Variants in GPR153 observed in about 807,000 individuals in gnomAD.
GPR153 encodes the protein G protein-coupled receptor 153.
In GPR153, 27 loss-of-function variants were observed where a neutral mutation model predicts 34.1. The ratio of observed to expected loss-of-function variants is 0.79; its 90% CI spans 0.58 to 1.09. The LOEUF (loss-of-function observed/expected upper bound fraction) is 1.09. Among genes scored for constraint, GPR153 ranks in the 50% least tolerant of loss-of-function variants. The pLI is 0.00. For synonymous variants in GPR153, 408 were observed against 405.4 expected (o/e 1.01, Z -0.08); for missense variants, 848 against 860.2 (o/e 0.99, Z 0.18).
rs2100980351 is a variant in GPR153 at position 6,247,746 on chromosome 1, T to G, written c.*1592A>C. ...CTGGCGACCTCTGCCCCTACGTAAC[T>G]TGTCAGTCCTTGAAGGCACAGCAGC... On this transcript the variant is annotated 3_prime_UTR_variant, in exon 6 of 6. Transcript: ENST00000377893. 6.6e-6 allele frequency: 1 copy of G among 152,348 alleles called. No homozygotes were observed. Among genetic ancestry groups the G allele is most frequent in the Middle Eastern group, 3.4e-3 (1 of 294 alleles). The allele number at this position is 152,348 out of a possible 1,614,324, so 9.4% of individuals were successfully genotyped here. A position where few individuals can be genotyped will look rare whatever the true frequency, so the allele number is the denominator to read the frequency against.
At chr1:6,256,415 G>T (rs1440313239) in intron 1 of GPR153, among the ~76,000 whole-genome samples, 23 of 148,422 alleles carry the variant, frequency 1.5e-4, no homozygotes, top group African/African-American at 5.2e-4. Context: ...CTGTCGCCCA[G>T]GCTGGAGTGC....
intron 1 of GPR153, among the ~76,000 whole-genome samples, chr1:6,257,242 ATTTAT>A (rs1638586902): frequency 6.6e-6 from 1 of 152,194 alleles, no homozygotes; most frequent in Non-Finnish European, 1.5e-5. Flanking sequence ...ACTTGCCTTA[ATTTAT>A]TTTACTTCAT....
rs767251936 is a variant in GPR153 at position 6,253,749 on chromosome 1, A to G, written c.755T>C (p.Ile252Thr). 1.3e-6 allele frequency: 2 copies of G among 1,528,968 alleles called. No individual in the cohort carries two copies. The highest frequency in any genetic ancestry group is 1.8e-6 in the Non-Finnish European group (2 of 1,137,896). The allele number at this position is 1,528,968 out of a possible 1,614,324, so 94.7% of individuals were successfully genotyped here. A position where few individuals can be genotyped will look rare whatever the true frequency, so the allele number is the denominator to read the frequency against. Residue 252 changes from isoleucine (I) to threonine (T), a missense_variant, in exon 3 of 6, where the codon ATC becomes ACC. Coordinates refer to ENST00000377893, the MANE Select transcript of GPR153 (RefSeq NM_207370.4). ...TTGLVTTIVF[I>T]YDCLMGFPVL... ...AGGGAAGCCCATGAGGCAGTCGTAG[A>G]TGAAGACTATGGTGGTCACGAGGCC... is the stretch of plus-strand genomic sequence containing the variant.
Position 6,249,952 on chromosome 1 carries a change from C to G in GPR153, c.1216G>C (p.Val406Leu). Residue 406 changes from valine (V) to leucine (L), a missense_variant, in exon 6 of 6, where the codon GTC becomes CTC. Physicochemically the swap from Val to Leu is conservative, Grantham distance 32 (BLOSUM62 1). Coordinates refer to ENST00000377893, the MANE Select transcript of GPR153 (RefSeq NM_207370.4). This position sits in a 1 kb window ranked among gnomAD's most constrained non-coding sequence, Gnocchi z 4.3. Reference protein sequence around the residue: ...SHDDADVWAAVPLPAFLPRWG... With the variant: ...SHDDADVWAALPLPAFLPRWG... Reference sequence around the variant, plus strand: ...CGCGGCAGGAAGGCGGGCAGCGGGACGGCGGCCCACACGTCCGCATCGTCG... The same window carrying G: ...CGCGGCAGGAAGGCGGGCAGCGGGAGGGCGGCCCACACGTCCGCATCGTCG... The G allele has an allele frequency of 1.6e-6, 2 of 1,282,918 alleles. No individual in the cohort carries two copies. Among genetic ancestry groups the G allele is most frequent in the South Asian group, 2.9e-5 (1 of 34,100 alleles). 79.5% of individuals were successfully genotyped at this position (1,282,918 alleles called of 1,614,324 possible).
In GPR153 at chr1:6,251,213, G is replaced by A. The variant is rs1450120557; in HGVS notation, c.979+125C>T. 2 of 754,902 alleles carry A rather than the reference G, an allele frequency of 2.6e-6. No individual in the cohort carries two copies. Among genetic ancestry groups the A allele is most frequent in the Non-Finnish European group, 2.2e-6 (1 of 451,890 alleles). The allele number at this position is 754,902 out of a possible 1,614,324, so 46.8% of individuals were successfully genotyped here. A position where few individuals can be genotyped will look rare whatever the true frequency, so the allele number is the denominator to read the frequency against. ...TCAAGTACATTTGGGGGTGACACGGGGTGTCTGGTGGTTGAGAATGAAGTC... is the reference window on the plus strand; with the variant it reads ...TCAAGTACATTTGGGGGTGACACGGAGTGTCTGGTGGTTGAGAATGAAGTC... On this transcript the variant is annotated intron_variant, in intron 4 of 5. Transcript: ENST00000377893. The surrounding 1 kb of genome is among the most constrained non-coding windows in gnomAD (Gnocchi z 4.9).
In GPR153 at chr1:6,254,163, G is replaced by A; in HGVS notation, c.357-16C>T. The A allele has an allele frequency of 6.3e-7, 1 of 1,594,746 alleles. No individual in the cohort carries two copies. The highest frequency in any genetic ancestry group is 1.3e-5 in the African/African-American group (1 of 74,762). ...ATTGCTCAGCCTGGCATGAGGCAGG[G>A]TGGAACAGAGGGATCTGGCGTCACC... On this transcript the variant is annotated splice_polypyrimidine_tract_variant and intron_variant, in intron 2 of 5. Coordinates refer to ENST00000377893, the MANE Select transcript of GPR153 (RefSeq NM_207370.4).
intron 3 of GPR153, among the ~76,000 whole-genome samples, chr1:6,252,168 T>C (rs1186991968): frequency 6.6e-6 from 1 of 152,110 alleles, no homozygotes; most frequent in African/African-American, 2.4e-5. Context: ...AGTGAAAGTG[T>C]GGAGGATGTG....
At chr1:6,257,350 T>C (rs1638588649) in intron 1 of GPR153, among the ~76,000 whole-genome samples, 1 of 152,210 alleles carries the variant, frequency 6.6e-6, no homozygotes, top group Non-Finnish European at 1.5e-5. Context: ...GGAACGGAGA[T>C]GGTCACCACC....
intron 1 of GPR153, among the ~76,000 whole-genome samples, chr1:6,259,035 T>G (rs1638618964): frequency 6.6e-6 from 1 of 151,996 alleles, no homozygotes; most frequent in Admixed American, 6.6e-5. Context: ...CCAAGGTGAG[T>G]GGATGGCTTG....
chr1:6,259,984 A>G (rs1440984844), intron 1 of GPR153, among the ~76,000 whole-genome samples: 2 of 152,078 alleles, frequency 1.3e-5, no homozygotes, highest in Non-Finnish European at 2.9e-5. Context: ...ATTCCGCAGC[A>G]TCTCAGGACC....
chr1:6,256,042 G>A (rs1007728037), intron 1 of GPR153, among the ~76,000 whole-genome samples: 2 of 152,152 alleles, frequency 1.3e-5, no homozygotes, highest in Non-Finnish European at 2.9e-5. Flanking sequence ...CAGTCTTCCC[G>A]CCTTGGTCTC....
intron 3 of GPR153, among the ~76,000 whole-genome samples, chr1:6,252,520 CAT>C (rs900373592): frequency 2.0e-5 from 3 of 152,198 alleles, no homozygotes; most frequent in African/African-American, 7.2e-5. Flanking sequence ...CCACTGTACA[CAT>C]GAGGACCCTT....
intron 1 of GPR153, among the ~76,000 whole-genome samples, chr1:6,257,679 C>T (rs572893294): frequency 6.6e-6 from 1 of 152,398 alleles, no homozygotes; most frequent in African/African-American, 2.4e-5. Flanking sequence ...CAGAGCTTGA[C>T]TCTGAAGTCA....
At chr1:6,250,045 G>T in intron 5 of GPR153, 42 bp from the exon 6 acceptor site, 1 of 1,257,954 alleles carries the variant, frequency 7.9e-7, no homozygotes, top group South Asian at 3.8e-5. Context: ...CTGCCCTCCT[G>T]GGAAACGGGG....
chr1:6,249,445 G>C lies in GPR153; in HGVS notation c.1723C>G (p.Leu575Val). The C allele has an allele frequency of 7.4e-7, 1 of 1,356,496 alleles. No individual in the cohort carries two copies. The highest frequency in any genetic ancestry group is 9.4e-7 in the Non-Finnish European group (1 of 1,059,184). 84.0% of individuals were successfully genotyped at this position (1,356,496 alleles called of 1,614,324 possible). ...CTGCCGCCGCCGCCCGCCGCGCGCA[G>C]CCCCCCGGGCTCGCCCCACGACGCG... ...LSASWGEPGGLRAAGGGGSTS... is the reference protein window; with the variant it reads ...LSASWGEPGGVRAAGGGGSTS... The change falls in exon 6 of 6, where the codon CTG (leucine) becomes GTG (valine). Residue 575 changes from leucine (L) to valine (V), a missense_variant. By Grantham distance (32) the Leu-to-Val change is conservative. Coordinates refer to ENST00000377893, the MANE Select transcript of GPR153 (RefSeq NM_207370.4). This position sits in a 1 kb window ranked among gnomAD's most constrained non-coding sequence, Gnocchi z 4.3.
In GPR153 at chr1:6,254,141, G is replaced by T; in HGVS notation, c.363C>A (p.Ser121Arg). ...MVCWPVNYRLSNAKKQAVHTV... is the reference protein window; with the variant it reads ...MVCWPVNYRLRNAKKQAVHTV... ...TGTGCACCGCCTGCTTCTTGGCATT[G>T]CTCAGCCTGGCATGAGGCAGGGTGG... is the stretch of plus-strand genomic sequence containing the variant. Residue 121 changes from serine to arginine, a missense_variant, in exon 3 of 6, where the codon AGC becomes AGA. Coordinates refer to ENST00000377893, the MANE Select transcript of GPR153 (RefSeq NM_207370.4). 1 of 1,605,654 alleles carries T rather than the reference G, an allele frequency of 6.2e-7. No individual in the cohort carries two copies. Among genetic ancestry groups the T allele is most frequent in the Non-Finnish European group, 8.5e-7 (1 of 1,173,834 alleles).
chr1:6,252,970 C>T (rs1638482343), intron 3 of GPR153, among the ~76,000 whole-genome samples: 1 of 152,186 alleles, frequency 6.6e-6, no homozygotes, highest in South Asian at 2.1e-4. Context: ...GAGGCCCGCC[C>T]TGGCCTTGCT....
intron 3 of GPR153, 143 bp downstream of exon 3, chr1:6,253,575 G>T: frequency 2.5e-6 from 2 of 805,258 alleles, no homozygotes; most frequent in Non-Finnish European, 3.7e-6. Context: ...CTGAACCTCG[G>T]TTTCCAAATC....
At position 6,250,015 on chromosome 1, in the gene GPR153, C is replaced by T. The variant is rs540833761; in HGVS notation, c.1165-12G>A. 68 of 1,256,744 alleles carry T rather than the reference C, an allele frequency of 5.4e-5. No homozygotes were observed. The African/African-American group carries it at 9.0e-4, about 17-fold the overall frequency. The allele number at this position is 1,256,744 out of a possible 1,614,324, so 77.8% of individuals were successfully genotyped here. A position where few individuals can be genotyped will look rare whatever the true frequency, so the allele number is the denominator to read the frequency against. On this transcript the variant is annotated splice_polypyrimidine_tract_variant and intron_variant, in intron 5 of 5. Transcript: ENST00000377893. ...CGCGTGGGCGGGACCTGTCAGGACG[C>T]GGCTGGCTTTTACCCCGAGCTGCCC...
Sources: allele counts gnomAD v4.1 joint callset (sites outside exome capture counted in the v4.1 genomes callset), GRCh38; gene constraint gnomAD v4.1.1; non-coding constraint Gnocchi (gnomAD v3.1); transcripts MANE v1.5; gene names NCBI Gene and HGNC (gene_info 2026-07-23, HGNC 2026-07-21).